The following CBLB variants were observed in gnomAD, a reference collection of about 807,000 sequenced individuals.
CBLB encodes E3 ubiquitin-protein ligase CBL-B.
Under a neutral mutation model 104.9 loss-of-function variants are expected in CBLB, and 31 were observed. That is an observed-to-expected ratio of 0.30 (90% confidence interval 0.22 to 0.40). The LOEUF is 0.40. Ranked by LOEUF, CBLB falls within the 10% of genes least tolerant of loss-of-function variation. The pLI, the probability that CBLB is intolerant of heterozygous loss-of-function variation, is 1.00. For synonymous variants in CBLB, 440 were observed against 422.6 expected (o/e 1.04, Z -0.51); for missense variants, 1,062 against 1,214.6 (o/e 0.87, Z 1.87).
rs1260063497 is a variant in CBLB at position 105,691,070 on chromosome 3, C to T, written c.2054+2424G>A. On this transcript the variant is annotated intron_variant, in intron 13 of 18. Transcript: ENST00000394030. ...AATGTCAAAATGTTAAAACTCTGGA[C>T]ATTGATATTTAGCATATGCATATGC... Among the ~76,000 whole-genome samples, 8 of 152,280 alleles carry T rather than the reference C, an allele frequency of 5.3e-5. 2 individuals carry two copies. Among genetic ancestry groups the T allele is most frequent in the Admixed American group, 4.6e-4 (7 of 15,296 alleles).
At chr3:105,763,568 G>A (rs967836909) in intron 4 of CBLB, among the ~76,000 whole-genome samples, 10 of 152,162 alleles carry the variant, frequency 6.6e-5, no homozygotes, top group African/African-American at 2.2e-4. Flanking sequence ...CTTCCACCAC[G>A]ATTGTGAGGT....
At chr3:105,802,717 C>CAA (rs1266878576) in intron 3 of CBLB, among the ~76,000 whole-genome samples, 1 of 151,800 alleles carries the variant, frequency 6.6e-6, no homozygotes, top group Non-Finnish European at 1.5e-5. Context: ...CTTCAGGATA[C>CAA]AACTATTGAA....
intron 12 of CBLB, 74 bp downstream of exon 12, chr3:105,702,020 C>T: frequency 1.3e-6 from 2 of 1,573,486 alleles, no homozygotes; most frequent in Non-Finnish European, 1.7e-6. Flanking sequence ...AAACACTTCC[C>T]AACCTTTTAT....
chr3:105,702,005 A>G, intron 12 of CBLB, 89 bp downstream of exon 12: 1 of 1,496,958 alleles, frequency 6.7e-7, no homozygotes, highest in Admixed American at 1.7e-5. Flanking sequence ...ATGCTAGGCA[A>G]AAAAAAACAC....
At chr3:105,669,918 A>G (rs987838875) in intron 18 of CBLB, among the ~76,000 whole-genome samples, 2 of 152,186 alleles carry the variant, frequency 1.3e-5, no homozygotes, top group African/African-American at 4.8e-5. Flanking sequence ...ATTGCAATGT[A>G]CAAAGAGATT....
At chr3:105,834,907 CA>C (rs2088209640) in intron 3 of CBLB, among the ~76,000 whole-genome samples, 1 of 152,176 alleles carries the variant, frequency 6.6e-6, no homozygotes, top group South Asian at 2.1e-4. Context: ...ATCCATGGGA[CA>C]CTTTATTGGA....
intron 7 of CBLB, among the ~76,000 whole-genome samples, chr3:105,737,518 T>C (rs992336847): frequency 1.3e-5 from 2 of 152,140 alleles, no homozygotes; most frequent in African/African-American, 4.8e-5. Context: ...ATACCTTTAA[T>C]ATATGTCTCT....
chr3:105,702,107 A>G lies in CBLB; in HGVS notation c.1946T>C (p.Leu649Ser). 2 of 1,614,096 alleles carry G rather than the reference A, an allele frequency of 1.2e-6. No homozygotes were observed. Among genetic ancestry groups the G allele is most frequent in the Non-Finnish European group, 1.7e-6 (2 of 1,180,010 alleles). The part of the protein sequence containing the change: ...MRKHRRHDLP[L>S]EGAKVFSNGH... ...CGTATTTCTTACCTTAGCTCCTTCTAAAGGCAAATCATGGCGTCTGTGTTT... is the reference window on the plus strand; with the variant it reads ...CGTATTTCTTACCTTAGCTCCTTCTGAAGGCAAATCATGGCGTCTGTGTTT... The change falls in exon 12 of 19, where the codon TTA (leucine) becomes TCA (serine). Residue 649 changes from leucine (L) to serine (S), a missense_variant. Physicochemically the swap from Leu to Ser is moderately radical, Grantham distance 145. Around this residue, in one of 2 missense-constraint regions of CBLB, gnomAD observed 605 missense variants for 582.6 expected, o/e 1.04. Transcript: ENST00000394030.
chr3:105,693,051 T>C (rs2067913889), intron 13 of CBLB, among the ~76,000 whole-genome samples: 1 of 151,644 alleles, frequency 6.6e-6, no homozygotes, highest in South Asian at 2.1e-4. Flanking sequence ...TAGAGGAATA[T>C]GAAAAACTCC....
rs572175294 is a variant in CBLB at position 105,791,591 on chromosome 3, C to T, written c.420-15049G>A. ...TCCTAGCAGCTCTCAAGAATAAATCCCACTTGATTCTATGGACTACACTGA... is the reference window on the plus strand; with the variant it reads ...TCCTAGCAGCTCTCAAGAATAAATCTCACTTGATTCTATGGACTACACTGA... On this transcript the variant is annotated intron_variant, in intron 3 of 18. Coordinates refer to ENST00000394030, the MANE Select transcript of CBLB (RefSeq NM_170662.5). Among the ~76,000 whole-genome samples the T allele has an allele frequency of 3.9e-5, 6 of 152,206 alleles. No homozygotes were observed. In the East Asian group the frequency reaches 1.2e-3, roughly 29 times the overall value.
chr3:105,812,297 C>A (rs916896200), intron 3 of CBLB, among the ~76,000 whole-genome samples: 2 of 152,146 alleles, frequency 1.3e-5, no homozygotes, highest in East Asian at 3.9e-4. Flanking sequence ...TACTATGTCT[C>A]AATGGCTATG....
chr3:105,784,723 A>G (rs776137375), intron 3 of CBLB, among the ~76,000 whole-genome samples: 11 of 152,128 alleles, frequency 7.2e-5, no homozygotes, highest in Non-Finnish European at 1.3e-4. Flanking sequence ...GGAAAATCCT[A>G]TTTCTACTTG....
intron 3 of CBLB, among the ~76,000 whole-genome samples, chr3:105,827,922 C>T (rs1406571320): frequency 6.6e-6 from 1 of 152,164 alleles, no homozygotes; most frequent in Non-Finnish European, 1.5e-5. Flanking sequence ...AAAAACACAG[C>T]AGAAATGGTG....
chr3:105,769,517 A>G (rs1287316006), intron 4 of CBLB, among the ~76,000 whole-genome samples: 2 of 152,158 alleles, frequency 1.3e-5, no homozygotes, highest in East Asian at 3.9e-4. Flanking sequence ...GGCAGCACAG[A>G]GTAGGGATAT....
intron 18 of CBLB, among the ~76,000 whole-genome samples, chr3:105,659,842 C>T (rs1009568297): frequency 1.3e-5 from 2 of 152,116 alleles, no homozygotes; most frequent in Admixed American, 6.6e-5. Context: ...ATAGTAGATG[C>T]TTTGACTCTA....
chr3:105,860,784 A>G (rs932167770), intron 2 of CBLB, among the ~76,000 whole-genome samples: 1 of 152,120 alleles, frequency 6.6e-6, no homozygotes, highest in African/African-American at 2.4e-5. Flanking sequence ...TTAGCTCATA[A>G]AGTTACTCAT....
chr3:105,665,458 TATATATACACACACACACAC>T (rs1559735562), intron 18 of CBLB, among the ~76,000 whole-genome samples: 20 of 136,750 alleles, frequency 1.5e-4, no homozygotes, highest in South Asian at 2.3e-4. Context: ...CACACACACA[TATATATACACACACACACAC>T]ATATATATAT....
intron 9 of CBLB, among the ~76,000 whole-genome samples, chr3:105,724,662 C>T (rs1473733715): frequency 5.3e-5 from 8 of 152,070 alleles, no homozygotes; most frequent in East Asian, 1.9e-4. Context: ...TATCTCTATA[C>T]GAATTCCATT....
chr3:105,817,535 C>A (rs1337370465), intron 3 of CBLB, among the ~76,000 whole-genome samples: 1 of 152,122 alleles, frequency 6.6e-6, no homozygotes, highest in South Asian at 2.1e-4. Flanking sequence ...AGAACCAAGA[C>A]AGACGATGTC....
Sources: gnomAD v4.1 joint callset for allele counts (sites outside exome capture counted in the v4.1 genomes callset) on GRCh38, gnomAD v4.1.1 for gene constraint, gnomAD v4.1.1 regional missense constraint, MANE v1.5 for transcripts, NCBI Gene and HGNC (gene_info 2026-07-23, HGNC 2026-07-21) for gene names.